VIPR2: variants seen among roughly 807,000 people sequenced by gnomAD.
VIPR2 encodes the protein vasoactive intestinal polypeptide receptor 2.
Under a neutral mutation model 58.0 loss-of-function variants are expected in VIPR2, and 48 were observed. That is an observed-to-expected ratio of 0.83 (90% CI 0.66 to 1.05). The LOEUF (loss-of-function observed/expected upper bound fraction) is 1.05, where lower values mean the gene tolerates loss of function less well. Ranked by LOEUF, VIPR2 falls within the 50% of genes least tolerant of loss-of-function variation. The probability of loss-of-function intolerance (pLI) is 0.00; values close to 1 mark genes in which losing one functional copy is unlikely to be tolerated. For missense variants in VIPR2, 534 were observed against 558.0 expected (o/e 0.96, Z 0.43); for synonymous variants, 243 against 235.2 (o/e 1.03, Z -0.30).
intron 4 of VIPR2, among the ~76,000 whole-genome samples, chr7:159,063,270 C>G (rs1254458104): frequency 6.6e-6 from 1 of 152,110 alleles, no homozygotes; most frequent in Non-Finnish European, 1.5e-5. Context: ...CTGCAGGTCC[C>G]GAGCCCTGCC....
In VIPR2 at chr7:159,127,314, TG is replaced by T. The variant is rs1245597440; in HGVS notation, c.151+15131del. Among the ~76,000 whole-genome samples, 1 of 152,238 alleles carries T rather than the reference TG, an allele frequency of 6.6e-6. No homozygotes were observed. Among genetic ancestry groups the T allele is most frequent in the Non-Finnish European group, 1.5e-5 (1 of 68,042 alleles). ...AATTTCAGAAACAGCGGTTTGATTC[TG>T]GGTTGGGGTTCAGGTGGATTCCACA... On this transcript the variant is annotated intron_variant, in intron 2 of 12. Transcript: ENST00000262178. The surrounding 1 kb of genome is among the most constrained non-coding windows in gnomAD (Gnocchi z 4.6).
intron 2 of VIPR2, among the ~76,000 whole-genome samples, chr7:159,137,866 T>G (rs1252620183): frequency 6.6e-6 from 1 of 152,148 alleles, no homozygotes. Flanking sequence ...GACCTACTTA[T>G]ATCAGAAAGA....
chr7:159,033,099 G>A (rs772485725), intron 10 of VIPR2, among the ~76,000 whole-genome samples: 6 of 152,150 alleles, frequency 3.9e-5, no homozygotes, highest in African/African-American at 1.2e-4. Flanking sequence ...GCAAATATCC[G>A]GCAAATATAG....
chr7:159,133,606 G>A (rs1797078474), intron 2 of VIPR2, among the ~76,000 whole-genome samples: 1 of 152,236 alleles, frequency 6.6e-6, no homozygotes, highest in Non-Finnish European at 1.5e-5. Context: ...TCCTGGCACA[G>A]GGCTACAATT....
chr7:159,119,817 A>G (rs118016921), intron 2 of VIPR2, among the ~76,000 whole-genome samples: 193 of 148,380 alleles, frequency 1.3e-3, no homozygotes, highest in South Asian at 3.2e-3. Flanking sequence ...AGGGATGCAC[A>G]AAGCCTGGTA....
Position 159,097,617 on chromosome 7 carries a change from G to A in VIPR2, c.357+6140C>T, listed in dbSNP as rs185255874. On this transcript the variant is annotated intron_variant, in intron 4 of 12. Transcript: ENST00000262178. The surrounding 1 kb of genome is among the most constrained non-coding windows in gnomAD (Gnocchi z 5.3). ...TCTGTGCTCTTTCATCAGTGCCCAAGATGAAATCCAAATCACCAAGGAGAA... is the reference window on the plus strand; with the variant it reads ...TCTGTGCTCTTTCATCAGTGCCCAAAATGAAATCCAAATCACCAAGGAGAA... Among the ~76,000 whole-genome samples, 52 of 152,312 alleles carry A rather than the reference G, an allele frequency of 3.4e-4. No individual in the cohort carries two copies. Among genetic ancestry groups the A allele is most frequent in the African/African-American group, 1.3e-3 (52 of 41,556 alleles).
intron 4 of VIPR2, 90 bp downstream of exon 4, chr7:159,103,667 A>G (rs1224933283): frequency 2.2e-5 from 22 of 1,012,566 alleles, no homozygotes; most frequent in Middle Eastern, 2.6e-4. Flanking sequence ...TAGGGGAAAA[A>G]TCTACATAAT....
At chr7:159,071,740 G>A (rs530568393) in intron 4 of VIPR2, among the ~76,000 whole-genome samples, 7 of 152,358 alleles carry the variant, frequency 4.6e-5, no homozygotes, top group Non-Finnish European at 8.8e-5. Context: ...CAGTCACACC[G>A]CACACAGCAT....
At chr7:159,143,093 G>A (rs1393606854) in intron 1 of VIPR2, among the ~76,000 whole-genome samples, 2 of 152,260 alleles carry the variant, frequency 1.3e-5, no homozygotes, top group African/African-American at 4.8e-5. Flanking sequence ...GATGAGGAGG[G>A]AGGCAGAGGT....
At chr7:159,037,633 G>C (rs1854059148) in intron 6 of VIPR2, among the ~76,000 whole-genome samples, 2 of 152,132 alleles carry the variant, frequency 1.3e-5, no homozygotes, top group African/African-American at 4.8e-5. Flanking sequence ...GAGAAATCTA[G>C]CAAATAAAAT....
rs1223389986 is a variant in VIPR2 at position 159,034,266 on chromosome 7, C to A, written c.918G>T (p.Leu306Phe). The A allele has an allele frequency of 6.2e-7, 1 of 1,614,048 alleles. No homozygotes were observed. Among genetic ancestry groups the A allele is most frequent in the South Asian group, 1.1e-5 (1 of 91,082 alleles). ...CATCTGGGGATGTTAACTTCTGCAGCAAAATTCGTATAATACTAATGAAAA... is the reference window on the plus strand; with the variant it reads ...CATCTGGGGATGTTAACTTCTGCAGAAAAATTCGTATAATACTAATGAAAA... ...FVLFISIIRILLQKLTSPDVG... is the reference protein window; with the variant it reads ...FVLFISIIRIFLQKLTSPDVG... Residue 306 changes from leucine (L) to phenylalanine (F), a missense_variant, in exon 10 of 13, where the codon TTG (leucine) becomes TTT (phenylalanine). Coordinates refer to ENST00000262178, the MANE Select transcript of VIPR2 (RefSeq NM_003382.5).
chr7:159,115,570 G>T (rs551561882), intron 2 of VIPR2, among the ~76,000 whole-genome samples: 1 of 152,366 alleles, frequency 6.6e-6, no homozygotes, highest in East Asian at 1.9e-4. Context: ...AGGCAAGCCT[G>T]GCTGAAACAG....
chr7:159,124,605 A>C lies in VIPR2; in HGVS notation c.152-14686T>G, dbSNP rs368555186. Reference sequence around the variant, plus strand: ...GCCTCCAGCTTTCTTCTTTTTGCTTAGGATTGTCTTAGCTATGTGGGCTCT... The same window carrying C: ...GCCTCCAGCTTTCTTCTTTTTGCTTCGGATTGTCTTAGCTATGTGGGCTCT... On this transcript the variant is annotated intron_variant, in intron 2 of 12. Transcript: ENST00000262178. Among the ~76,000 whole-genome samples, 41 of 152,242 alleles carry C rather than the reference A, an allele frequency of 2.7e-4. No homozygotes were observed. In the South Asian group the frequency reaches 3.5e-3, roughly 13 times the overall value.
chr7:159,103,946 A>T, intron 3 of VIPR2, 92 bp from the exon 4 acceptor site: 1 of 1,114,280 alleles, frequency 9.0e-7, no homozygotes. Flanking sequence ...TGCTCTATTA[A>T]AATGCTTCCC....
chr7:159,109,790 G>A, intron 3 of VIPR2, 22 bp downstream of exon 3: 1 of 1,610,364 alleles, frequency 6.2e-7, no homozygotes, highest in Non-Finnish European at 8.5e-7. Flanking sequence ...AGGAGCTCAG[G>A]AACTCAACCG....
chr7:159,143,693 T>C (rs1386929920), intron 1 of VIPR2, among the ~76,000 whole-genome samples: 1 of 152,194 alleles, frequency 6.6e-6, no homozygotes, highest in East Asian at 1.9e-4. Flanking sequence ...TTAAGGAAAT[T>C]ATATTGATGT....
chr7:159,117,642 C>G (rs1438881426), intron 2 of VIPR2, among the ~76,000 whole-genome samples: 1 of 152,230 alleles, frequency 6.6e-6, no homozygotes, highest in African/African-American at 2.4e-5. Context: ...CCCCCACACC[C>G]TCCTTCCATC....
intron 2 of VIPR2, 64 bp from the exon 3 acceptor site, chr7:159,109,983 C>G: frequency 1.3e-6 from 2 of 1,512,102 alleles, no homozygotes; most frequent in South Asian, 1.1e-5. Context: ...ATAGAAACCC[C>G]ATTAATGAGA....
Position 159,043,118 on chromosome 7 carries a change from TCAGGATGAAGGA to T in VIPR2, c.502_513del (p.Ser168_Leu171del), listed in dbSNP as rs1172100814. 2 of 1,613,830 alleles carry T rather than the reference TCAGGATGAAGGA, an allele frequency of 1.2e-6. No individual in the cohort carries two copies. The highest frequency in any genetic ancestry group is 3.3e-5 in the Admixed American group (2 of 59,976). On this transcript the variant is annotated inframe_deletion, in exon 6 of 13. Transcript: ENST00000262178. ...TCCTTGACCAGCACTGAGATGGCTC[TCAGGATGAAGGA>T]CAGGAACAGGTTCAGGTGGATGTAA... is the stretch of plus-strand genomic sequence containing the variant.
Sources: gnomAD v4.1 joint callset for allele counts (sites outside exome capture counted in the v4.1 genomes callset) on GRCh38, gnomAD v4.1.1 for gene constraint, Gnocchi (gnomAD v3.1) non-coding constraint, MANE v1.5 for transcripts, NCBI Gene and HGNC (gene_info 2026-07-23, HGNC 2026-07-21) for gene names.